The following CCDC57 variants were observed in gnomAD, a reference collection of about 807,000 sequenced individuals.
CCDC57 encodes coiled-coil domain-containing protein 57.
In CCDC57, 118 loss-of-function variants were observed where a neutral mutation model predicts 118.9. The ratio of observed to expected loss-of-function variants is 0.99; its 90% CI spans 0.86 to 1.16. The LOEUF is 1.16. CCDC57 is among the 50% of genes most tolerant of loss of function. The pLI is 0.00. For synonymous variants in CCDC57, 527 were observed against 532.9 expected, an observed-to-expected ratio of 0.99 and a Z score of 0.15; for missense variants, 1,300 against 1,320.7, an observed-to-expected ratio of 0.98 and a Z score of 0.24.
intron 3 of CCDC57, among the ~76,000 whole-genome samples, chr17:82,198,909 C>A (rs1599416909): frequency 6.8e-6 from 1 of 147,670 alleles, no homozygotes. Flanking sequence ...AGGAGAATGG[C>A]GTGAACCCGG....
intron 2 of CCDC57, among the ~76,000 whole-genome samples, chr17:82,205,298 C>T (rs970737101): frequency 6.6e-6 from 1 of 152,336 alleles, no homozygotes; most frequent in South Asian, 2.1e-4. Flanking sequence ...CTGTGGCCCC[C>T]GTCCTGTACC....
chr17:82,190,700 A>T (rs1435844111), intron 7 of CCDC57, among the ~76,000 whole-genome samples: 5 of 151,458 alleles, frequency 3.3e-5, no homozygotes, highest in Admixed American at 6.6e-5. Context: ...TGTCTCAAAA[A>T]AAAAAAAAAA....
intron 16 of CCDC57, among the ~76,000 whole-genome samples, chr17:82,151,061 C>T (rs1158531738): frequency 8.7e-6 from 1 of 114,710 alleles, no homozygotes; most frequent in Non-Finnish European, 1.8e-5. Context: ...TGACCCGCAC[C>T]CAGAACCAGG....
At chr17:82,210,166 G>A (rs1335279187) in intron 1 of CCDC57, among the ~76,000 whole-genome samples, 2 of 152,060 alleles carry the variant, frequency 1.3e-5, no homozygotes, top group African/African-American at 4.8e-5. Context: ...TGATAGCGAT[G>A]GGTTAGAATC....
chr17:82,156,581 G>C (rs1171079852), intron 15 of CCDC57: 1 of 152,286 alleles, frequency 6.6e-6, no homozygotes, highest in Non-Finnish European at 1.5e-5. Context: ...GGGAGCCCAG[G>C]AGGGCTAGGG....
chr17:82,178,979 C>A (rs777714904), intron 10 of CCDC57, 48 bp downstream of exon 9: 3 of 1,595,652 alleles, frequency 1.9e-6, no homozygotes, highest in Non-Finnish European at 2.6e-6. Context: ...CCAGCCCCAC[C>A]TCTGCAGAGA....
chr17:82,107,095 A>G (rs1467301852), intron 19 of CCDC57, among the ~76,000 whole-genome samples: 1 of 152,222 alleles, frequency 6.6e-6, no homozygotes, highest in Admixed American at 6.5e-5. Flanking sequence ...CTGGCTCTGC[A>G]GGAGCTACGC....
chr17:82,180,425 C>G (rs1361599562), intron 9 of CCDC57, among the ~76,000 whole-genome samples: 1 of 152,240 alleles, frequency 6.6e-6, no homozygotes. Flanking sequence ...AGCAGCTAAG[C>G]TGCTAAGTTT....
intron 19 of CCDC57, among the ~76,000 whole-genome samples, chr17:82,111,159 G>A (rs1013278523): frequency 6.6e-6 from 1 of 151,482 alleles, no homozygotes; most frequent in Non-Finnish European, 1.5e-5. Context: ...GCAGTGGCGC[G>A]ATCTCGGCTC....
intron 9 of CCDC57, among the ~76,000 whole-genome samples, chr17:82,180,317 C>T (rs764803701): frequency 1.2e-4 from 18 of 152,182 alleles, no homozygotes; most frequent in Non-Finnish European, 2.4e-4. Context: ...GCAGGCCTGG[C>T]CATCATTGAT....
At chr17:82,120,148 A>C (rs1472796637) in intron 19 of CCDC57, among the ~76,000 whole-genome samples, 1 of 151,218 alleles carries the variant, frequency 6.6e-6, no homozygotes, top group Non-Finnish European at 1.5e-5. Flanking sequence ...TAACTATTTC[A>C]GTATCATTTC....
chr17:82,180,697 G>A (rs573349258), intron 9 of CCDC57, among the ~76,000 whole-genome samples: 39 of 152,224 alleles, frequency 2.6e-4, no homozygotes, highest in Admixed American at 5.9e-4. Flanking sequence ...GGATCGTCTC[G>A]ATCTCCTGAC....
chr17:82,113,120 CAAGAA>C (rs1031130248), intron 19 of CCDC57: 1 of 479,406 alleles, frequency 2.1e-6, no homozygotes, highest in African/African-American at 2.0e-5. Context: ...ACTACAATTT[CAAGAA>C]AAGAGCTAAC....
chr17:82,143,065 G>A (rs561774883), intron 16 of CCDC57, among the ~76,000 whole-genome samples: 3 of 152,136 alleles, frequency 2.0e-5, no homozygotes, highest in Admixed American at 2.0e-4. Flanking sequence ...TCAAGGCCGA[G>A]GCAGGAGAAT....
intron 19 of CCDC57, among the ~76,000 whole-genome samples, chr17:82,115,672 G>T (rs911551399): frequency 6.6e-6 from 1 of 151,968 alleles, no homozygotes; most frequent in Non-Finnish European, 1.5e-5. Flanking sequence ...CTACTCAGGA[G>T]GATGAGGCAG....
chr17:82,160,892 A>C (rs970935450), intron 14 of CCDC57, among the ~76,000 whole-genome samples: 115 of 151,452 alleles, frequency 7.6e-4, no homozygotes, highest in Non-Finnish European at 1.4e-3. Flanking sequence ...AAAAAAAAAA[A>C]AAAAAAGAGA....
At chr17:82,198,827 A>G (rs1044137548) in intron 3 of CCDC57, among the ~76,000 whole-genome samples, 3 of 151,706 alleles carry the variant, frequency 2.0e-5, no homozygotes, top group Admixed American at 2.0e-4. Context: ...CGTCTCTACA[A>G]AAAAATACAA....
intron 14 of CCDC57, chr17:82,160,491 C>A (rs2043184877): frequency 6.6e-6 from 1 of 151,808 alleles, no homozygotes; most frequent in African/African-American, 2.5e-5. Flanking sequence ...GGCACACAGG[C>A]CAGGTGCAGT....
intron 16 of CCDC57, among the ~76,000 whole-genome samples, chr17:82,137,832 C>T (rs2039437041): frequency 6.6e-6 from 1 of 151,682 alleles, no homozygotes; most frequent in African/African-American, 2.4e-5. Flanking sequence ...CGCCACCATG[C>T]CTGGCTAATT....
Sources: allele counts gnomAD v4.1 joint callset (sites outside exome capture counted in the v4.1 genomes callset), GRCh38; gene constraint gnomAD v4.1.1; transcripts MANE v1.5; gene names NCBI Gene and HGNC (gene_info 2026-07-23, HGNC 2026-07-21).